The following CFAP61 variants were observed in gnomAD, a reference collection of about 807,000 sequenced individuals.
The protein encoded by CFAP61 is cilia- and flagella-associated protein 61.
A neutral mutation model predicts 135.6 loss-of-function variants in CFAP61; 107 were observed. The observed-to-expected ratio is 0.79, with a 90% CI of 0.67 to 0.93. CFAP61 has a LOEUF of 0.93. Ranked by LOEUF, CFAP61 falls within the 40% of genes least tolerant of loss-of-function variation. The pLI is 0.00. For missense variants in CFAP61, 1,507 were observed against 1,556.2 expected (o/e 0.97, Z 0.53); for synonymous variants, 575 against 578.5 (o/e 0.99, Z 0.09).
At chr20:20,099,249 G>C (rs2047828459) in intron 8 of CFAP61, among the ~76,000 whole-genome samples, 3 of 151,808 alleles carry the variant, frequency 2.0e-5, no homozygotes, top group Admixed American at 2.0e-4. Context: ...TTCTGTTTTT[G>C]TCTTTGACAA....
intron 25 of CFAP61, among the ~76,000 whole-genome samples, chr20:20,314,449 A>G (rs918485522): frequency 6.6e-6 from 1 of 150,870 alleles, no homozygotes; most frequent in Non-Finnish European, 1.5e-5. Context: ...ACCATAAACC[A>G]TAGCAGTGGG....
intron 25 of CFAP61, among the ~76,000 whole-genome samples, chr20:20,308,678 T>A (rs2056628539): frequency 6.6e-6 from 1 of 152,218 alleles, no homozygotes; most frequent in Non-Finnish European, 1.5e-5. Flanking sequence ...ACTGTCTTGT[T>A]GTCAGAGCCC....
intron 11 of CFAP61, among the ~76,000 whole-genome samples, chr20:20,165,967 T>G (rs2053798939): frequency 6.6e-6 from 1 of 152,206 alleles, no homozygotes; most frequent in Non-Finnish European, 1.5e-5. Flanking sequence ...CTTTTTGAAT[T>G]TTGAAACAGG....
intron 20 of CFAP61, among the ~76,000 whole-genome samples, chr20:20,252,555 A>C (rs1277884054): frequency 6.6e-6 from 1 of 151,390 alleles, no homozygotes; most frequent in Non-Finnish European, 1.5e-5. Context: ...TTTTTTTTGC[A>C]GTTTTTTTTC....
Position 20,359,325 on chromosome 20 carries a change from T to G in CFAP61, c.3514-885T>G, listed in dbSNP as rs952585275. ...AACTTTTCATATAGGACCTTTCAAG[T>G]AAAAAGGTTTAATCACTCCTTTTTT... On this transcript the variant is annotated intron_variant, in intron 26 of 26. Coordinates refer to ENST00000245957, the MANE Select transcript of CFAP61 (RefSeq NM_015585.4). The surrounding 1 kb of genome is among the most constrained non-coding windows in gnomAD (Gnocchi z 4.0). Among the ~76,000 whole-genome samples, 4 of 151,786 alleles carry G rather than the reference T, an allele frequency of 2.6e-5. No homozygotes were observed. Among genetic ancestry groups the G allele is most frequent in the African/African-American group, 9.7e-5 (4 of 41,400 alleles).
chr20:20,262,313 T>C (rs1438427093), intron 20 of CFAP61, among the ~76,000 whole-genome samples: 1 of 152,136 alleles, frequency 6.6e-6, no homozygotes, highest in East Asian at 1.9e-4. Flanking sequence ...TATGGACCTC[T>C]CTCTATTGGC....
intron 22 of CFAP61, among the ~76,000 whole-genome samples, chr20:20,286,033 A>G (rs1371823387): frequency 6.6e-6 from 1 of 150,942 alleles, no homozygotes; most frequent in Admixed American, 6.6e-5. Context: ...AAAAAAAAAC[A>G]CCTCTAAAAT....
intron 21 of CFAP61, among the ~76,000 whole-genome samples, chr20:20,269,995 G>T (rs1445470340): frequency 6.6e-6 from 1 of 152,102 alleles, no homozygotes; most frequent in Admixed American, 6.6e-5. Context: ...TTGTGAGGAT[G>T]AATGAGTCAT....
intron 6 of CFAP61, among the ~76,000 whole-genome samples, chr20:20,083,156 C>T (rs572755085): frequency 6.6e-6 from 1 of 152,296 alleles, no homozygotes; most frequent in South Asian, 2.1e-4. Context: ...GAATACTACT[C>T]AGCCATAAAA....
intron 7 of CFAP61, among the ~76,000 whole-genome samples, chr20:20,097,154 T>G (rs1469076319): frequency 3.9e-5 from 6 of 152,016 alleles, no homozygotes; most frequent in Non-Finnish European, 5.9e-5. Flanking sequence ...AGCCCGATTC[T>G]CTGTTTTAGG....
At chr20:20,091,483 CTCTCTCTTTT>C (rs2047195408) in intron 7 of CFAP61, among the ~76,000 whole-genome samples, 1 of 136,240 alleles carries the variant, frequency 7.3e-6, no homozygotes, top group Admixed American at 8.0e-5. Flanking sequence ...TTCCCTCTCT[CTCTCTCTTTT>C]TCTCTCTTGC....
At chr20:20,206,494 C>T (rs1450150415) in intron 17 of CFAP61, among the ~76,000 whole-genome samples, 2 of 152,180 alleles carry the variant, frequency 1.3e-5, no homozygotes, top group African/African-American at 2.4e-5. Context: ...AACTTACCTA[C>T]TCTGGACATT....
intron 8 of CFAP61, among the ~76,000 whole-genome samples, chr20:20,127,640 C>T (rs1284315894): frequency 3.3e-5 from 4 of 122,176 alleles, no homozygotes; most frequent in African/African-American, 9.5e-5. Context: ...GTGGTGGGGT[C>T]GGGGTGGGGG....
chr20:20,232,220 C>A (rs1479900095), intron 18 of CFAP61, among the ~76,000 whole-genome samples: 2 of 152,126 alleles, frequency 1.3e-5, no homozygotes, highest in East Asian at 3.9e-4. Context: ...CTCCACAAAC[C>A]CTCTCAGGGT....
Position 20,070,857 on chromosome 20 carries a change from A to G in CFAP61, c.147A>G (p.Glu49=), listed in dbSNP as rs2045655998. 2.5e-6 allele frequency: 4 copies of G among 1,611,386 alleles called. No individual in the cohort carries two copies. The highest frequency in any genetic ancestry group is 3.4e-6 in the Non-Finnish European group (4 of 1,179,100). The part of the protein sequence containing the change: ...FGKLNIIYLL[E]KANLAVTLCN... The stretch of plus-strand genomic sequence containing the variant: ...GCAATTGTAATCATTTCTGCAGAGA[A>G]AAGGCCAACCTTGCTGTTACCCTCT... Residue 49 remains glutamate, a synonymous_variant, in exon 3 of 27, where the codon GAA becomes GAG. Transcript: ENST00000245957.
At chr20:20,090,639 G>A (rs1259549710) in intron 6 of CFAP61, among the ~76,000 whole-genome samples, 3 of 147,568 alleles carry the variant, frequency 2.0e-5, no homozygotes, top group Admixed American at 6.9e-5. Flanking sequence ...GCAATGAGCC[G>A]AGATCACGCC....
chr20:20,070,707 C>T (rs935316181), intron 2 of CFAP61, 147 bp from the exon 3 acceptor site: 4 of 649,624 alleles, frequency 6.2e-6, no homozygotes, highest in African/African-American at 1.8e-5. Context: ...CCCAAAGTGG[C>T]TGCAATATCA....
rs1015261404 is a variant in CFAP61, at chr20:20,277,387, G to T, written c.2725G>T (p.Gly909Cys). Residue 909 changes from glycine to cysteine, a missense_variant, in exon 22 of 27, where the codon GGC becomes TGC. By Grantham distance (159) the Gly-to-Cys change is radical. Transcript: ENST00000245957. ...RDAILAQWNDGLHPDPIYSAS... is the reference protein window; with the variant it reads ...RDAILAQWNDCLHPDPIYSAS... ...TGCGATCCTGGCCCAGTGGAATGAC[G>T]GCCTGCACCCAGACCCCATCTACAG... 1 of 1,614,068 alleles carries T rather than the reference G, an allele frequency of 6.2e-7. No homozygotes were observed. The highest frequency in any genetic ancestry group is 8.5e-7 in the Non-Finnish European group (1 of 1,180,034).
intron 17 of CFAP61, among the ~76,000 whole-genome samples, chr20:20,223,945 A>C (rs2048562335): frequency 6.6e-6 from 1 of 152,200 alleles, no homozygotes; most frequent in African/African-American, 2.4e-5. Flanking sequence ...AACCAACTAA[A>C]ATAATTTGCA....
Sources: allele counts gnomAD v4.1 joint callset (sites outside exome capture counted in the v4.1 genomes callset), GRCh38; gene constraint gnomAD v4.1.1; non-coding constraint Gnocchi (gnomAD v3.1); transcripts MANE v1.5; gene names NCBI Gene and HGNC (gene_info 2026-07-23, HGNC 2026-07-21).